Variants in RARB observed in about 807,000 individuals in gnomAD.
RARB encodes the protein HBV-activated protein.
In RARB, 17 loss-of-function variants were observed where a neutral mutation model predicts 51.9. The ratio of observed to expected loss-of-function variants is 0.33; its 90% confidence interval spans 0.22 to 0.49. The LOEUF (loss-of-function observed/expected upper bound fraction) is 0.49. Among genes scored for constraint, RARB ranks in the 20% least tolerant of loss-of-function variants. The pLI, the probability that RARB is intolerant of heterozygous loss-of-function variation, is 0.99. For missense variants in RARB, 369 were observed against 550.8 expected (o/e 0.67, Z 3.30); for synonymous variants, 215 against 195.4 (o/e 1.10, Z -0.84).
chr3:25,580,725 A>C lies in RARB; in HGVS notation c.786+3A>C. ...AGGCCGCCTGCCTGGACATCCTGGT[A>C]TGTGCCTTTTTGAGCTCTCAATGGG... On this transcript the variant is annotated splice_donor_region_variant and intron_variant, in intron 5 of 7. Coordinates refer to ENST00000330688, the MANE Select transcript of RARB (RefSeq NM_000965.5). 2 of 1,596,090 alleles carry C rather than the reference A, an allele frequency of 1.3e-6. No homozygotes were observed. Among genetic ancestry groups the C allele is most frequent in the Non-Finnish European group, 1.7e-6 (2 of 1,165,780 alleles).
chr3:24,979,076 T>C (rs1014285270), intron 2 of RARB, among the ~76,000 whole-genome samples: 6 of 152,228 alleles, frequency 3.9e-5, no homozygotes, highest in Non-Finnish European at 8.8e-5. Context: ...GTGAGTTTCT[T>C]AATCCTGAGT....
intron 4 of RARB, among the ~76,000 whole-genome samples, chr3:25,154,269 C>T (rs1405452582): frequency 1.3e-5 from 2 of 152,224 alleles, no homozygotes; most frequent in Admixed American, 1.3e-4. Flanking sequence ...TTCATCCTTT[C>T]TGAAGCCTTT....
chr3:25,213,965 GCCAA>G (rs1701759167), intron 5 of RARB, among the ~76,000 whole-genome samples: 1 of 152,060 alleles, frequency 6.6e-6, no homozygotes, highest in African/African-American at 2.4e-5. Flanking sequence ...CATGCTGATG[GCCAA>G]CCAAAGCATA....
intron 3 of RARB, among the ~76,000 whole-genome samples, chr3:25,503,479 T>C (rs984657532): frequency 1.3e-5 from 2 of 152,142 alleles, no homozygotes; most frequent in Non-Finnish European, 2.9e-5. Context: ...AAAACCCATA[T>C]CCTGCTGCTC....
At chr3:25,061,092 T>C (rs1698539014) in intron 3 of RARB, among the ~76,000 whole-genome samples, 1 of 151,882 alleles carries the variant, frequency 6.6e-6, no homozygotes, top group Non-Finnish European at 1.5e-5. Flanking sequence ...TGAGTTTTCC[T>C]GAGAAAGGAT....
At chr3:25,586,943 C>A (rs1000148192) in intron 5 of RARB, among the ~76,000 whole-genome samples, 1 of 152,158 alleles carries the variant, frequency 6.6e-6, no homozygotes, top group African/African-American at 2.4e-5. Flanking sequence ...AGATGTGGCA[C>A]GATTACCCCA....
chr3:24,860,331 A>G (rs1292955178), intron 2 of RARB, among the ~76,000 whole-genome samples: 1 of 151,678 alleles, frequency 6.6e-6, no homozygotes, highest in African/African-American at 2.4e-5. Context: ...AACCTTTCTC[A>G]CCTCCTCTCA....
At chr3:25,546,574 G>C (rs1433739661) in intron 3 of RARB, among the ~76,000 whole-genome samples, 1 of 152,052 alleles carries the variant, frequency 6.6e-6, no homozygotes, top group Non-Finnish European at 1.5e-5. Flanking sequence ...GATAATCACT[G>C]TCTAGTCTGA....
At chr3:25,573,138 TC>T (rs942968420) in intron 4 of RARB, among the ~76,000 whole-genome samples, 10 of 152,132 alleles carry the variant, frequency 6.6e-5, no homozygotes, top group African/African-American at 2.4e-4. Context: ...CCCAACTAGA[TC>T]GAGCTCTGAC....
intron 2 of RARB, among the ~76,000 whole-genome samples, chr3:25,494,253 G>GCACACACGCACGCACACA (rs757972807): frequency 2.1e-4 from 28 of 131,968 alleles, no homozygotes; most frequent in African/African-American, 6.5e-4. Flanking sequence ...TGTATCTTAC[G>GCACACACGCACGCACACA]CACACACACA....
upstream of RARB, among the ~76,000 whole-genome samples, chr3:25,426,806 T>G (rs938028046): frequency 6.6e-6 from 1 of 152,240 alleles, no homozygotes; most frequent in Non-Finnish European, 1.5e-5. Context: ...CAGGGTAGAT[T>G]GGCTCTCCCT....
intron 2 of RARB, among the ~76,000 whole-genome samples, chr3:25,039,973 T>G (rs1698079764): frequency 6.6e-6 from 1 of 152,180 alleles, no homozygotes; most frequent in African/African-American, 2.4e-5. Flanking sequence ...GAGTTTTACT[T>G]AGCTAAACAA....
At position 25,482,521 on chromosome 3, in the gene RARB, A is replaced by ATTTTTTTT. The variant is rs71087718; in HGVS notation, c.307-18632_307-18625dup. On this transcript the variant is annotated intron_variant, in intron 2 of 7. Coordinates refer to ENST00000330688, the MANE Select transcript of RARB (RefSeq NM_000965.5). ...TAACTTTAAATTTTCTAGCAGCCAA[A>ATTTTTTTT]TTTTTTTTTTTTTTTTTTTTTTTTT... 1.0e-3 allele frequency among the ~76,000 whole-genome samples: 69 copies of ATTTTTTTT among 65,784 alleles called. 13 individuals are homozygous for ATTTTTTTT. Among genetic ancestry groups the ATTTTTTTT allele is most frequent in the African/African-American group, 4.6e-3 (65 of 14,278 alleles). 43.2% of individuals were successfully genotyped at this position (65,784 alleles called of 152,430 possible). A position where few individuals can be genotyped will look rare whatever the true frequency, so the allele number is the denominator to read the frequency against.
chr3:25,152,458 C>T (rs1050539009), intron 4 of RARB, among the ~76,000 whole-genome samples: 1 of 152,024 alleles, frequency 6.6e-6, no homozygotes, highest in South Asian at 2.1e-4. Flanking sequence ...AAATGGTTAT[C>T]GACTGTCTTT....
chr3:25,151,188 C>A (rs983371664), intron 4 of RARB, among the ~76,000 whole-genome samples: 1 of 152,178 alleles, frequency 6.6e-6, no homozygotes, highest in Non-Finnish European at 1.5e-5. Flanking sequence ...TGAATTAAAG[C>A]ACTGCATTTG....
At chr3:25,217,329 G>A (rs1477893106) in intron 5 of RARB, among the ~76,000 whole-genome samples, 1 of 152,066 alleles carries the variant, frequency 6.6e-6, no homozygotes, top group Non-Finnish European at 1.5e-5. Flanking sequence ...ATCATTAGGA[G>A]CTTGGGATTA....
chr3:25,418,980 G>T (rs1707784268), intron 5 of RARB, among the ~76,000 whole-genome samples: 1 of 149,412 alleles, frequency 6.7e-6, no homozygotes, highest in African/African-American at 2.4e-5. Flanking sequence ...TTGATTTAAT[G>T]TAAGTTTTAT....
At chr3:25,580,748 G>T in intron 5 of RARB, 26 bp downstream of exon 5, 1 of 1,572,610 alleles carries the variant, frequency 6.4e-7, no homozygotes, top group Non-Finnish European at 8.7e-7. Context: ...AGCTCTCAAT[G>T]GGTCTGGGGA....
At chr3:24,949,231 G>C (rs1293733021) in intron 2 of RARB, among the ~76,000 whole-genome samples, 1 of 152,166 alleles carries the variant, frequency 6.6e-6, no homozygotes, top group African/African-American at 2.4e-5. Flanking sequence ...GAACAGTCAT[G>C]ATTCTCTTTC....
Sources: allele counts gnomAD v4.1 joint callset (sites outside exome capture counted in the v4.1 genomes callset), GRCh38; gene constraint gnomAD v4.1.1; transcripts MANE v1.5; gene names NCBI Gene and HGNC (gene_info 2026-07-23, HGNC 2026-07-21).